The following HAPLN1 variants were observed in gnomAD, a reference collection of about 807,000 sequenced individuals.
The protein encoded by HAPLN1 is hyaluronan and proteoglycan link protein 1, also known as Cartilage link protein.
In HAPLN1, 13 loss-of-function variants were observed where a neutral mutation model predicts 36.5. The observed-to-expected ratio is 0.36, with a 90% confidence interval of 0.23 to 0.57. The LOEUF is 0.57. Ranked by LOEUF, HAPLN1 falls within the 20% of genes least tolerant of loss-of-function variation. The probability of loss-of-function intolerance (pLI) is 0.83; values close to 1 mark genes in which losing one functional copy is unlikely to be tolerated. For missense variants in HAPLN1, 407 were observed against 439.7 expected (o/e 0.93, Z 0.66); for synonymous variants, 202 against 169.8 (o/e 1.19, Z -1.48).
At chr5:83,716,302 G>A (rs994681468) in intron 1 of HAPLN1, among the ~76,000 whole-genome samples, 3 of 152,174 alleles carry the variant, frequency 2.0e-5, no homozygotes, top group Admixed American at 1.3e-4. Context: ...GTTAGATTGG[G>A]CAGAAGGGAA....
chr5:83,655,023 C>T (rs1348760572), intron 2 of HAPLN1, among the ~76,000 whole-genome samples: 1 of 152,176 alleles, frequency 6.6e-6, no homozygotes, highest in Non-Finnish European at 1.5e-5. Flanking sequence ...CAGTATTTTC[C>T]AACTAAGATA....
intron 1 of HAPLN1, among the ~76,000 whole-genome samples, chr5:83,677,023 T>C (rs1750877028): frequency 6.6e-6 from 1 of 152,224 alleles, no homozygotes; most frequent in Admixed American, 6.5e-5. Context: ...TATACTAATA[T>C]CAACAGTCTA....
At chr5:83,717,729 AT>A (rs1458789961) in intron 1 of HAPLN1, among the ~76,000 whole-genome samples, 1 of 152,020 alleles carries the variant, frequency 6.6e-6, no homozygotes, top group African/African-American at 2.4e-5. Flanking sequence ...TTTGTCTAGA[AT>A]TTTTTTTCTA....
intron 1 of HAPLN1, 131 bp from the exon 2 acceptor site, chr5:83,673,680 A>C (rs1230160798): frequency 6.6e-6 from 4 of 608,210 alleles, no homozygotes; most frequent in East Asian, 3.1e-5. Flanking sequence ...CTGTTCAGAA[A>C]GTTACTGTAG....
At chr5:83,681,857 G>T (rs889878896) in intron 1 of HAPLN1, among the ~76,000 whole-genome samples, 7 of 152,118 alleles carry the variant, frequency 4.6e-5, no homozygotes, top group Non-Finnish European at 1.0e-4. Flanking sequence ...TTTTAGGACT[G>T]CTTTTAAATG....
intron 2 of HAPLN1, among the ~76,000 whole-genome samples, chr5:83,661,733 G>A (rs1750399196): frequency 6.6e-6 from 1 of 151,322 alleles, no homozygotes; most frequent in Admixed American, 6.6e-5. Context: ...GTGAGCAACG[G>A]CACCCGGCCC....
At position 83,640,036 on chromosome 5, in the gene HAPLN1, A is replaced by AT; in HGVS notation, c.*1459dup. ...TCATGTTCATGGGAGGAAAATCTAC[A>AT]TAAAAACATTCATGAAAGCATACCG... On this transcript the variant is annotated 3_prime_UTR_variant, in exon 5 of 5. Coordinates refer to ENST00000274341, the MANE Select transcript of HAPLN1 (RefSeq NM_001884.4). The AT allele has an allele frequency of 6.6e-6, 1 of 152,280 alleles. No homozygotes were observed. Among genetic ancestry groups the AT allele is most frequent in the Middle Eastern group, 3.4e-3 (1 of 294 alleles). The allele number at this position is 152,280 out of a possible 1,614,324, so 9.4% of individuals were successfully genotyped here. A position where few individuals can be genotyped will look rare whatever the true frequency, so the allele number is the denominator to read the frequency against.
In HAPLN1 at chr5:83,641,604, A is replaced by G. The variant is rs1359300306; in HGVS notation, c.957T>C (p.Ser319=). Residue 319 remains serine, a synonymous_variant, in exon 5 of 5, where the codon TCT becomes TCC. Coordinates refer to ENST00000274341, the MANE Select transcript of HAPLN1 (RefSeq NM_001884.4). ...TAGGACTGCAGCGCCTTCTTGGCCT[A>G]GAGATGGGGTAGCGGACGCTGCCAT... is the stretch of plus-strand genomic sequence containing the variant. ...LADGSVRYPI[S]RPRRRCSPTE... 6.2e-7 allele frequency: 1 copy of G among 1,614,096 alleles called. No individual in the cohort carries two copies. The highest frequency in any genetic ancestry group is 8.5e-7 in the Non-Finnish European group (1 of 1,180,054).
chr5:83,714,730 G>A (rs1751879481), intron 1 of HAPLN1, among the ~76,000 whole-genome samples: 1 of 152,166 alleles, frequency 6.6e-6, no homozygotes, highest in Non-Finnish European at 1.5e-5. Context: ...GATTCTCACT[G>A]CTCCCTCCCA....
intron 1 of HAPLN1, among the ~76,000 whole-genome samples, chr5:83,695,307 G>T (rs1297613043): frequency 3.3e-5 from 5 of 151,756 alleles, no homozygotes; most frequent in African/African-American, 1.2e-4. Context: ...TGTATTTTTA[G>T]TAGAGATGGG....
intron 1 of HAPLN1, among the ~76,000 whole-genome samples, chr5:83,711,493 G>A (rs911924547): frequency 6.6e-6 from 1 of 152,114 alleles, no homozygotes; most frequent in Non-Finnish European, 1.5e-5. Context: ...CATGGAGAAC[G>A]CTGGCAAGCA....
rs1247547979 is a variant in HAPLN1 at position 83,639,512 on chromosome 5, C to A, written c.*1984G>T. 1.3e-5 allele frequency: 2 copies of A among 152,032 alleles called. No homozygotes were observed. Among genetic ancestry groups the A allele is most frequent in the Non-Finnish European group, 1.5e-5 (1 of 67,936 alleles). The allele number at this position is 152,032 out of a possible 1,614,324, so 9.4% of individuals were successfully genotyped here. A position where few individuals can be genotyped will look rare whatever the true frequency, so the allele number is the denominator to read the frequency against. ...TGTATTTTCAACAAAATTATCGGAA[C>A]ATACATAATAATAGTTCAAGTATGG... On this transcript the variant is annotated 3_prime_UTR_variant, in exon 5 of 5. Transcript: ENST00000274341.
chr5:83,685,850 A>G (rs1751106568), intron 1 of HAPLN1: 1 of 152,116 alleles, frequency 6.6e-6, no homozygotes, highest in Non-Finnish European at 1.5e-5. Flanking sequence ...CTCAATCTGA[A>G]CTTGTCAAGG....
chr5:83,720,709 A>C (rs1751998961), intron 1 of HAPLN1, 80 bp downstream of exon 1: 1 of 152,248 alleles, frequency 6.6e-6, no homozygotes, highest in South Asian at 2.1e-4. Context: ...GTATATATAC[A>C]TTGCATGTGT....
chr5:83,692,697 A>G (rs774657781), intron 1 of HAPLN1, among the ~76,000 whole-genome samples: 22 of 151,924 alleles, frequency 1.4e-4, no homozygotes, highest in Non-Finnish European at 2.9e-4. Flanking sequence ...AAGAGCACTG[A>G]CTATACTAAC....
At chr5:83,682,694 G>T (rs1352832163) in intron 1 of HAPLN1, among the ~76,000 whole-genome samples, 1 of 152,082 alleles carries the variant, frequency 6.6e-6, no homozygotes, top group African/African-American at 2.4e-5. Context: ...AAAGGGCTGT[G>T]TCTACACAGC....
intron 1 of HAPLN1, among the ~76,000 whole-genome samples, chr5:83,679,257 G>A (rs921230281): frequency 2.0e-5 from 3 of 152,080 alleles, no homozygotes; most frequent in African/African-American, 4.8e-5. Flanking sequence ...CAATTTACTT[G>A]TGGCTTCTTT....
At chr5:83,645,711 A>C (rs183866668) in intron 3 of HAPLN1, among the ~76,000 whole-genome samples, 3 of 151,956 alleles carry the variant, frequency 2.0e-5, no homozygotes, top group East Asian at 1.9e-4. Context: ...GTACTCTTGC[A>C]TGTTTACTTT....
rs1480195928 is a variant in HAPLN1, at chr5:83,639,514, T to A, written c.*1982A>T. The A allele has an allele frequency of 1.3e-5, 2 of 152,102 alleles. No homozygotes were observed. The highest frequency in any genetic ancestry group is 4.8e-5 in the African/African-American group (2 of 41,454). 9.4% of individuals were successfully genotyped at this position (152,102 alleles called of 1,614,324 possible). A position where few individuals can be genotyped will look rare whatever the true frequency, so the allele number is the denominator to read the frequency against. The stretch of plus-strand genomic sequence containing the variant: ...TATTTTCAACAAAATTATCGGAACA[T>A]ACATAATAATAGTTCAAGTATGGAC... On this transcript the variant is annotated 3_prime_UTR_variant, in exon 5 of 5. Transcript: ENST00000274341.
Sources: gnomAD v4.1 joint callset for allele counts (sites outside exome capture counted in the v4.1 genomes callset) on GRCh38, gnomAD v4.1.1 for gene constraint, MANE v1.5 for transcripts, NCBI Gene and HGNC (gene_info 2026-07-23, HGNC 2026-07-21) for gene names.